Variants in ARHGAP24 observed in about 807,000 individuals in gnomAD.
ARHGAP24 encodes rho GTPase-activating protein 24.
A neutral mutation model predicts 76.4 loss-of-function variants in ARHGAP24; 50 were observed. The ratio of observed to expected loss-of-function variants is 0.65; its 90% CI spans 0.52 to 0.83. The LOEUF (loss-of-function observed/expected upper bound fraction) is 0.83. ARHGAP24 is among the 40% of genes least tolerant of loss of function. ARHGAP24 has a pLI of 0.00. For missense variants in ARHGAP24, 930 were observed against 914.2 expected (o/e 1.02, Z -0.22); for synonymous variants, 345 against 323.3 (o/e 1.07, Z -0.72).
At chr4:85,897,083 T>C (rs538569300) in intron 3 of ARHGAP24, among the ~76,000 whole-genome samples, 2 of 152,290 alleles carry the variant, frequency 1.3e-5, no homozygotes, top group African/African-American at 4.8e-5. Flanking sequence ...CCTTCTTTCT[T>C]TGTCAGCAGT....
At chr4:85,835,674 A>AT in intron 3 of ARHGAP24, among the ~76,000 whole-genome samples, 1 of 151,552 alleles carries the variant, frequency 6.6e-6, no homozygotes, top group East Asian at 1.9e-4. Flanking sequence ...TGTGATAACG[A>AT]TTTGTATTTT....
intron 1 of ARHGAP24, among the ~76,000 whole-genome samples, chr4:85,554,408 G>C (rs1447819280): frequency 6.6e-6 from 1 of 152,090 alleles, no homozygotes; most frequent in Non-Finnish European, 1.5e-5. Context: ...TTTCCAAATT[G>C]CCTGTTATCT....
rs576968728 is a variant in ARHGAP24 at position 85,505,704 on chromosome 4, G to A, written c.-21+30145G>A. Among the ~76,000 whole-genome samples, 3 of 152,094 alleles carry A rather than the reference G, an allele frequency of 2.0e-5. No homozygotes were observed. In the East Asian group the frequency reaches 5.8e-4, roughly 30 times the overall value. On this transcript the variant is annotated intron_variant, in intron 1 of 9. Transcript: ENST00000395184. Reference sequence around the variant, plus strand: ...CAGCTCAGAGAAGATTGTTATTACCGATCTTCTGAAGTCTAGTTCTATCAA... The same window carrying A: ...CAGCTCAGAGAAGATTGTTATTACCAATCTTCTGAAGTCTAGTTCTATCAA...
At chr4:85,588,220 A>G (rs1727937600) in intron 2 of ARHGAP24, among the ~76,000 whole-genome samples, 1 of 152,210 alleles carries the variant, frequency 6.6e-6, no homozygotes, top group Admixed American at 6.5e-5. Context: ...AATGCTATGC[A>G]TGCACATGAT....
intron 8 of ARHGAP24, among the ~76,000 whole-genome samples, chr4:85,978,888 G>A (rs13102197): frequency 6.6e-6 from 1 of 151,976 alleles, no homozygotes; most frequent in South Asian, 2.1e-4. Flanking sequence ...TTGTGTTTCT[G>A]TGTAGTTTTA....
chr4:85,688,038 C>T (rs1723493687), intron 2 of ARHGAP24, among the ~76,000 whole-genome samples: 1 of 152,096 alleles, frequency 6.6e-6, no homozygotes, highest in African/African-American at 2.4e-5. Flanking sequence ...ATCTCGAACT[C>T]CTGACCTTAG....
At chr4:85,580,615 T>C (rs536654259) in intron 2 of ARHGAP24, among the ~76,000 whole-genome samples, 5 of 152,278 alleles carry the variant, frequency 3.3e-5, no homozygotes, top group African/African-American at 1.2e-4. Context: ...TCCAGTTCTT[T>C]TGTCTATTAC....
Position 85,841,994 on chromosome 4 carries a change from A to G in ARHGAP24, c.269-81654A>G, listed in dbSNP as rs115099363. 1.2e-3 allele frequency among the ~76,000 whole-genome samples: 185 copies of G among 152,320 alleles called. 1 individual carries two copies. The highest frequency in any genetic ancestry group is 4.2e-3 in the African/African-American group (174 of 41,580). On this transcript the variant is annotated intron_variant, in intron 3 of 9. Coordinates refer to ENST00000395184, the MANE Select transcript of ARHGAP24 (RefSeq NM_001025616.3). ...GGTAAAAGGAACCAAAATAGCAGAA[A>G]TGTGCCTCTCAAACTGTTGAATATT...
Position 85,680,607 on chromosome 4 carries a change from C to T in ARHGAP24, c.181-41278C>T, listed in dbSNP as rs115485816. 9.0e-3 allele frequency among the ~76,000 whole-genome samples: 1,369 copies of T among 152,112 alleles called. 8 individuals carry two copies. Among genetic ancestry groups the T allele is most frequent in the Non-Finnish European group, 0.016 (1,088 of 68,002 alleles). ...CCTGTAGAGTGTGAGATAATGCTGT[C>T]TTTACATGTCTCAGAGTAAAATTGA... On this transcript the variant is annotated intron_variant, in intron 2 of 9. Coordinates refer to ENST00000395184, the MANE Select transcript of ARHGAP24 (RefSeq NM_001025616.3).
At chr4:85,824,037 A>G (rs1258804211) in intron 3 of ARHGAP24, among the ~76,000 whole-genome samples, 2 of 152,170 alleles carry the variant, frequency 1.3e-5, no homozygotes, top group African/African-American at 2.4e-5. Context: ...GCAAAAAAAC[A>G]CAATTATATT....
At chr4:85,908,817 G>A (rs977435460) in intron 3 of ARHGAP24, among the ~76,000 whole-genome samples, 3 of 151,458 alleles carry the variant, frequency 2.0e-5, no homozygotes, top group Admixed American at 6.6e-5. Context: ...AGATAGTATC[G>A]AGAACTGTTT....
chr4:85,926,949 G>A (rs760462551), intron 4 of ARHGAP24, among the ~76,000 whole-genome samples: 19 of 152,086 alleles, frequency 1.2e-4, no homozygotes, highest in Middle Eastern at 3.4e-3. Flanking sequence ...CTTATTGATC[G>A]TATATTCTTC....
chr4:85,973,548 C>T (rs527832712), intron 6 of ARHGAP24, among the ~76,000 whole-genome samples: 1 of 152,132 alleles, frequency 6.6e-6, no homozygotes, highest in African/African-American at 2.4e-5. Flanking sequence ...TCAAATTTAT[C>T]TATTTTTAAT....
intron 1 of ARHGAP24, among the ~76,000 whole-genome samples, chr4:85,542,360 C>A (rs953744558): frequency 6.6e-6 from 1 of 152,096 alleles, no homozygotes; most frequent in African/African-American, 2.4e-5. Flanking sequence ...GTCCACCTTG[C>A]AAGCAGAAAG....
At chr4:85,890,624 G>C (rs947732973) in intron 3 of ARHGAP24, among the ~76,000 whole-genome samples, 1 of 152,118 alleles carries the variant, frequency 6.6e-6, no homozygotes, top group Non-Finnish European at 1.5e-5. Context: ...AGGAGGGAAC[G>C]TGGAAGTAAA....
intron 3 of ARHGAP24, among the ~76,000 whole-genome samples, chr4:85,815,677 T>C (rs1297407728): frequency 2.0e-5 from 3 of 152,220 alleles, no homozygotes; most frequent in Non-Finnish European, 2.9e-5. Context: ...AACTTTCCCA[T>C]ATTTTCCTGT....
intron 2 of ARHGAP24, among the ~76,000 whole-genome samples, chr4:85,579,751 C>T (rs1196393611): frequency 6.6e-6 from 1 of 152,058 alleles, no homozygotes; most frequent in Non-Finnish European, 1.5e-5. Context: ...ATAATATTTT[C>T]CAGGTTCATT....
intron 1 of ARHGAP24, among the ~76,000 whole-genome samples, chr4:85,566,897 AG>A (rs1307301727): frequency 1.3e-5 from 2 of 152,212 alleles, no homozygotes; most frequent in African/African-American, 4.8e-5. Context: ...TTAGATAAAA[AG>A]GAGTTGAGCA....
intron 1 of ARHGAP24, among the ~76,000 whole-genome samples, chr4:85,495,341 ATTTTTTTTTTT>A (rs35138716): frequency 7.5e-5 from 4 of 53,092 alleles, no homozygotes; most frequent in East Asian, 1.6e-3. Flanking sequence ...GAAGTACAGA[ATTTTTTTTTTT>A]TTTTTTTTTT....
Sources: gnomAD v4.1 joint callset for allele counts (sites outside exome capture counted in the v4.1 genomes callset) on GRCh38, gnomAD v4.1.1 for gene constraint, MANE v1.5 for transcripts, NCBI Gene and HGNC (gene_info 2026-07-23, HGNC 2026-07-21) for gene names.